The following NRG3 variants were observed in gnomAD, a reference collection of about 807,000 sequenced individuals.
The protein encoded by NRG3 is pro-neuregulin-3, membrane-bound isoform.
NRG3 carries 31 observed loss-of-function variants against 66.9 expected under a neutral mutation model. That is an observed-to-expected ratio of 0.46 (90% CI 0.35 to 0.63). NRG3 has a LOEUF of 0.63. Among genes scored for constraint, NRG3 ranks in the 20% least tolerant of loss-of-function variants. NRG3 has a pLI of 0.00. For synonymous variants in NRG3, 393 were observed against 359.4 expected, an observed-to-expected ratio of 1.09 and a Z score of -1.06; for missense variants, 910 against 878.9, an observed-to-expected ratio of 1.04 and a Z score of -0.45.
chr10:82,014,252 C>G lies in NRG3; in HGVS notation c.823+138089C>G, dbSNP rs531746278. On this transcript the variant is annotated intron_variant, in intron 1 of 8. Coordinates refer to ENST00000372141, the MANE Select transcript of NRG3 (RefSeq NM_001010848.4). ...CATAAGCAAGTGCTTTATACTCACA[C>G]TGTTGCATGTAAACTCCTCAACATT... 2.6e-5 allele frequency among the ~76,000 whole-genome samples: 4 copies of G among 152,280 alleles called. No homozygotes were observed. In the East Asian group the frequency reaches 7.7e-4, roughly 29 times the overall value.
At chr10:82,921,466 T>C (rs1053653377) in intron 4 of NRG3, among the ~76,000 whole-genome samples, 5 of 152,168 alleles carry the variant, frequency 3.3e-5, no homozygotes, top group African/African-American at 9.7e-5. Context: ...ATTGCTTCAG[T>C]GTTGATTCAT....
intron 3 of NRG3, among the ~76,000 whole-genome samples, chr10:82,836,058 G>T (rs77859879): frequency 5.3e-5 from 8 of 152,198 alleles, no homozygotes; most frequent in South Asian, 2.1e-4. Context: ...TAAAAAATCA[G>T]AATAATAATA....
At chr10:81,978,213 T>C (rs2060198041) in intron 1 of NRG3, among the ~76,000 whole-genome samples, 1 of 152,200 alleles carries the variant, frequency 6.6e-6, no homozygotes, top group Non-Finnish European at 1.5e-5. Flanking sequence ...GTATCATCTG[T>C]ATTAAGAAAA....
intron 2 of NRG3, among the ~76,000 whole-genome samples, chr10:82,495,811 G>GACTC (rs1554944163): frequency 7.6e-5 from 11 of 144,790 alleles, no homozygotes; most frequent in Non-Finnish European, 1.2e-4. Context: ...TTAGAGTGCA[G>GACTC]ACACACACAC....
At chr10:82,414,847 A>G (rs905609605) in intron 2 of NRG3, among the ~76,000 whole-genome samples, 2 of 152,198 alleles carry the variant, frequency 1.3e-5, no homozygotes, top group African/African-American at 2.4e-5. Flanking sequence ...GGCTGAAAAC[A>G]GGAAGGATTC....
At chr10:82,044,721 C>G (rs1413911447) in intron 1 of NRG3, among the ~76,000 whole-genome samples, 1 of 151,942 alleles carries the variant, frequency 6.6e-6, no homozygotes, top group Non-Finnish European at 1.5e-5. Context: ...TGCTATCCCT[C>G]CCTGCTCTCC....
chr10:82,130,507 T>C (rs2068744843), intron 1 of NRG3, among the ~76,000 whole-genome samples: 1 of 152,130 alleles, frequency 6.6e-6, no homozygotes, highest in African/African-American at 2.4e-5. Flanking sequence ...CATGGGTGTG[T>C]GGATATCTCT....
intron 4 of NRG3, among the ~76,000 whole-genome samples, chr10:82,917,966 G>GTATATA (rs1216370656): frequency 3.4e-3 from 316 of 92,042 alleles, no homozygotes; most frequent in Middle Eastern, 0.012. Flanking sequence ...GTGTGTGTGT[G>GTATATA]TGTGTATATA....
chr10:82,001,393 C>T (rs554927553), intron 1 of NRG3, among the ~76,000 whole-genome samples: 1 of 152,044 alleles, frequency 6.6e-6, no homozygotes, highest in East Asian at 1.9e-4. Context: ...ATCCCCGCTA[C>T]TTGGGAGGCT....
At chr10:82,600,304 A>G (rs1397138330) in intron 2 of NRG3, among the ~76,000 whole-genome samples, 1 of 152,198 alleles carries the variant, frequency 6.6e-6, no homozygotes, top group East Asian at 1.9e-4. Flanking sequence ...TATTGACGAC[A>G]CATATTAACA....
At chr10:82,807,612 G>C (rs762604870) in intron 3 of NRG3, among the ~76,000 whole-genome samples, 1 of 152,100 alleles carries the variant, frequency 6.6e-6, no homozygotes, top group African/African-American at 2.4e-5. Flanking sequence ...GCATCATCTG[G>C]GAGCTTGTTA....
At chr10:82,284,631 T>C (rs2079312375) in intron 1 of NRG3, among the ~76,000 whole-genome samples, 1 of 152,262 alleles carries the variant, frequency 6.6e-6, no homozygotes, top group Non-Finnish European at 1.5e-5. Flanking sequence ...GTATTTTTGT[T>C]TGTATTTCTC....
chr10:82,017,186 TC>T (rs769775345), intron 1 of NRG3, among the ~76,000 whole-genome samples: 2 of 152,158 alleles, frequency 1.3e-5, no homozygotes, highest in African/African-American at 2.4e-5. Context: ...CACGTGGTGT[TC>T]GGTTTTTTGT....
At chr10:82,984,690 GATGGAGTGGACTA>G (rs1391825232) in intron 8 of NRG3, 3 of 1,320,070 alleles carry the variant, frequency 2.3e-6, no homozygotes, top group Non-Finnish European at 2.1e-6. Context: ...TGGTCGAGTT[GATGGAGTGGACTA>G]ATGCCATTAT....
At chr10:82,961,087 C>G (rs924927836) in intron 6 of NRG3, among the ~76,000 whole-genome samples, 1 of 152,090 alleles carries the variant, frequency 6.6e-6, no homozygotes, top group African/African-American at 2.4e-5. Context: ...ATATCAGCAC[C>G]AAAAGTTAGT....
chr10:82,441,126 A>G (rs372660128), intron 2 of NRG3, among the ~76,000 whole-genome samples: 1 of 152,302 alleles, frequency 6.6e-6, no homozygotes, highest in East Asian at 1.9e-4. Context: ...CAATTTGTAG[A>G]CTCTTAGAAG....
chr10:81,901,871 G>A (rs923359910), intron 1 of NRG3, among the ~76,000 whole-genome samples: 1 of 152,106 alleles, frequency 6.6e-6, no homozygotes, highest in Non-Finnish European at 1.5e-5. Context: ...TTTATAGAAA[G>A]AACACAAAGG....
At chr10:82,839,818 C>T (rs567612259) in intron 3 of NRG3, among the ~76,000 whole-genome samples, 94 of 152,056 alleles carry the variant, frequency 6.2e-4, no homozygotes, top group African/African-American at 2.2e-3. Context: ...GTCTACAACT[C>T]AGTACTAATT....
At chr10:82,933,488 C>G (rs996065050) in intron 4 of NRG3, among the ~76,000 whole-genome samples, 1 of 152,146 alleles carries the variant, frequency 6.6e-6, no homozygotes, top group Non-Finnish European at 1.5e-5. Flanking sequence ...CCAATTTGCT[C>G]GTAGTTCATT....
Sources: allele counts gnomAD v4.1 joint callset (sites outside exome capture counted in the v4.1 genomes callset), GRCh38; gene constraint gnomAD v4.1.1; transcripts MANE v1.5; gene names NCBI Gene and HGNC (gene_info 2026-07-23, HGNC 2026-07-21).